ALDH1A2: variants seen among roughly 807,000 people sequenced by gnomAD.
ALDH1A2 encodes the protein aldehyde dehydrogenase 1 family member A2.
Under a neutral mutation model 60.3 loss-of-function variants are expected in ALDH1A2, and 27 were observed. The observed-to-expected ratio is 0.45, with a 90% CI of 0.33 to 0.62. The LOEUF (loss-of-function observed/expected upper bound fraction) is 0.62, where lower values mean the gene tolerates loss of function less well. ALDH1A2 is among the 20% of genes least tolerant of loss of function. The pLI is 0.02. For missense variants in ALDH1A2, 581 were observed against 643.8 expected (o/e 0.90, Z 1.06); for synonymous variants, 289 against 232.4 (o/e 1.24, Z -2.21).
Position 57,956,648 on chromosome 15 carries a change from C to T in ALDH1A2, c.1485-1379G>A, listed in dbSNP as rs36092897. On this transcript the variant is annotated intron_variant, in intron 12 of 12. Coordinates refer to ENST00000249750, the MANE Select transcript of ALDH1A2 (RefSeq NM_003888.4). ...AATTGCCCCACTCGTTGCATGCTTC[C>T]CTCATTAACTCCACTCAGTCTCGGA... Among the ~76,000 whole-genome samples, 12 of 152,278 alleles carry T rather than the reference C, an allele frequency of 7.9e-5. No individual in the cohort carries two copies. The East Asian group carries it at 1.9e-3, about 25-fold the overall frequency.
intron 4 of ALDH1A2, among the ~76,000 whole-genome samples, chr15:57,996,242 T>A (rs1427253188): frequency 6.6e-6 from 1 of 152,018 alleles, no homozygotes; most frequent in Non-Finnish European, 1.5e-5. Context: ...TCACACAAAA[T>A]TGTTTTGACA....
chr15:57,970,684 T>C (rs1894033870), intron 7 of ALDH1A2, among the ~76,000 whole-genome samples: 1 of 152,208 alleles, frequency 6.6e-6, no homozygotes, highest in African/African-American at 2.4e-5. Flanking sequence ...CTCAGAGCTA[T>C]TTTATTACAC....
At chr15:58,028,099 CA>C (rs1388715567) in intron 1 of ALDH1A2, among the ~76,000 whole-genome samples, 1 of 152,076 alleles carries the variant, frequency 6.6e-6, no homozygotes, top group Non-Finnish European at 1.5e-5. Flanking sequence ...CATAAATCGC[CA>C]GATTCACCAA....
chr15:57,993,370 G>GT lies in ALDH1A2; in HGVS notation c.556-298dup, dbSNP rs200810657. On this transcript the variant is annotated intron_variant, in intron 5 of 12. Transcript: ENST00000249750. The stretch of plus-strand genomic sequence containing the variant: ...TGTTTTGTTTTGTCACTGTTTTTAT[G>GT]TTTTTTTTAATTAGGCTTTGGTTCC... Among the ~76,000 whole-genome samples the GT allele has an allele frequency of 4.3e-3, 655 of 151,898 alleles. 9 individuals carry two copies. Among genetic ancestry groups the GT allele is most frequent in the African/African-American group, 0.015 (603 of 41,414 alleles).
intron 1 of ALDH1A2, among the ~76,000 whole-genome samples, chr15:58,061,517 G>A (rs1198225982): frequency 2.1e-5 from 3 of 145,960 alleles, no homozygotes; most frequent in African/African-American, 7.5e-5. Context: ...TCCTTCTTAA[G>A]AGGGGTAGAC....
At chr15:57,992,056 C>CAATAAAA (rs1566940887) in intron 7 of ALDH1A2, among the ~76,000 whole-genome samples, 1 of 152,042 alleles carries the variant, frequency 6.6e-6, no homozygotes, top group Non-Finnish European at 1.5e-5. Flanking sequence ...TGTCTAGAAA[C>CAATAAAA]AATAAAAAGA....
intron 7 of ALDH1A2, among the ~76,000 whole-genome samples, chr15:57,969,019 C>G (rs1416242535): frequency 1.3e-5 from 2 of 152,182 alleles, no homozygotes; most frequent in Admixed American, 6.5e-5. Flanking sequence ...AGGCAAATCT[C>G]AGATGAATGA....
chr15:58,046,702 A>G (rs1896647229), intron 1 of ALDH1A2, among the ~76,000 whole-genome samples: 1 of 152,070 alleles, frequency 6.6e-6, no homozygotes, highest in East Asian at 1.9e-4. Flanking sequence ...ATGTGCCTGA[A>G]GTATAGCTGG....
chr15:57,964,585 T>C (rs1893834282), intron 8 of ALDH1A2: 1 of 158,348 alleles, frequency 6.3e-6, no homozygotes, highest in South Asian at 1.9e-4. Context: ...AATTTACAAC[T>C]CCTAAATCTA....
At chr15:58,019,827 T>A (rs1895877949) in intron 1 of ALDH1A2, among the ~76,000 whole-genome samples, 1 of 152,232 alleles carries the variant, frequency 6.6e-6, no homozygotes. Context: ...TATTATTTTT[T>A]AAATGTTATT....
At position 58,007,198 on chromosome 15, in the gene ALDH1A2, C is replaced by G. The variant is rs146615234; in HGVS notation, c.493+3451G>C. Reference sequence around the variant, plus strand: ...GATCAGCAGACAAGAATGTTGTGATCAGAAGCTCACAGGAACCTAATCTTT... The same window carrying G: ...GATCAGCAGACAAGAATGTTGTGATGAGAAGCTCACAGGAACCTAATCTTT... On this transcript the variant is annotated intron_variant, in intron 4 of 12. Transcript: ENST00000249750. Among the ~76,000 whole-genome samples the G allele has an allele frequency of 3.3e-5, 5 of 152,082 alleles. No homozygotes were observed. The East Asian group carries it at 7.8e-4, about 24-fold the overall frequency.
At chr15:57,958,304 G>GTCACAAA (rs549220585) in intron 12 of ALDH1A2, among the ~76,000 whole-genome samples, 537 of 152,308 alleles carry the variant, frequency 3.5e-3, no homozygotes, top group African/African-American at 0.012. Flanking sequence ...TTTTTAAAAT[G>GTCACAAA]CTGAGGTTCA....
intron 1 of ALDH1A2, among the ~76,000 whole-genome samples, chr15:58,059,456 G>A (rs945109202): frequency 4.6e-5 from 7 of 152,080 alleles, no homozygotes; most frequent in African/African-American, 9.7e-5. Context: ...AAGTTTCTTC[G>A]TTTTTAAATT....
intron 7 of ALDH1A2, among the ~76,000 whole-genome samples, chr15:57,988,281 G>C (rs1218202452): frequency 6.6e-6 from 1 of 152,092 alleles, no homozygotes; most frequent in African/African-American, 2.4e-5. Context: ...CTGTGATTGA[G>C]GTGCATATTG....
intron 7 of ALDH1A2, among the ~76,000 whole-genome samples, chr15:57,981,053 C>T (rs1461836354): frequency 6.6e-6 from 1 of 151,978 alleles, no homozygotes; most frequent in African/African-American, 2.4e-5. Context: ...CTGTGGGATC[C>T]GTGGTGATAA....
At chr15:58,057,606 T>A (rs1896928170) in intron 1 of ALDH1A2, among the ~76,000 whole-genome samples, 1 of 152,198 alleles carries the variant, frequency 6.6e-6, no homozygotes, top group African/African-American at 2.4e-5. Context: ...GTCAAATATG[T>A]CTGGCAATAG....
At chr15:58,022,635 C>G (rs568541760) in intron 1 of ALDH1A2, among the ~76,000 whole-genome samples, 1 of 152,274 alleles carries the variant, frequency 6.6e-6, no homozygotes, top group African/African-American at 2.4e-5. Context: ...ACCACTGCAA[C>G]CACTAGGGCC....
intron 4 of ALDH1A2, among the ~76,000 whole-genome samples, chr15:58,003,785 A>T (rs1377375831): frequency 6.6e-6 from 1 of 151,932 alleles, no homozygotes; most frequent in Non-Finnish European, 1.5e-5. Flanking sequence ...TAGGGCTGCT[A>T]TAACATTAGC....
At chr15:58,034,876 T>C (rs1455714976) in intron 1 of ALDH1A2, among the ~76,000 whole-genome samples, 1 of 151,684 alleles carries the variant, frequency 6.6e-6, no homozygotes, top group East Asian at 1.9e-4. Flanking sequence ...AATTTGCTAA[T>C]ATTTTGTTGT....
Sources: allele counts gnomAD v4.1 joint callset (sites outside exome capture counted in the v4.1 genomes callset), GRCh38; gene constraint gnomAD v4.1.1; transcripts MANE v1.5; gene names NCBI Gene and HGNC (gene_info 2026-07-23, HGNC 2026-07-21).